TDO2: variants seen among roughly 807,000 people sequenced by gnomAD.
TDO2 encodes tryptophan 2,3-dioxygenase.
Under a neutral mutation model 61.2 loss-of-function variants are expected in TDO2, and 63 were observed. That is an observed-to-expected ratio of 1.03 (90% confidence interval 0.84 to 1.27). The LOEUF (loss-of-function observed/expected upper bound fraction) is 1.27, where lower values mean the gene tolerates loss of function less well. TDO2 is among the 50% of genes most tolerant of loss of function. The pLI, the probability that TDO2 is intolerant of heterozygous loss-of-function variation, is 0.00. For synonymous variants in TDO2, 183 were observed against 164.0 expected (o/e 1.12, Z -0.89); for missense variants, 494 against 469.5 (o/e 1.05, Z -0.48).
Position 155,919,869 on chromosome 4 carries a change from A to C in TDO2, c.1100A>C (p.Asn367Thr). ...TACAAGGTATTTGTAGATTTATTTA[A>C]TCTTTCAACATACCTGATTCCCCGA... ...DRYKVFVDLF[N>T]LSTYLIPRHW... The change falls in exon 12 of 12, where the codon AAT becomes ACT. Residue 367 changes from asparagine (N) to threonine (T), a missense_variant. Asn to Thr is a moderately conservative substitution (Grantham distance 65, BLOSUM62 0). Transcript: ENST00000536354. The C allele has an allele frequency of 2.5e-6, 4 of 1,613,574 alleles. No homozygotes were observed. Among genetic ancestry groups the C allele is most frequent in the Non-Finnish European group, 3.4e-6 (4 of 1,179,722 alleles).
At chr4:155,916,268 C>T (rs1044620321) in intron 9 of TDO2, among the ~76,000 whole-genome samples, 14 of 144,138 alleles carry the variant, frequency 9.7e-5, no homozygotes, top group African/African-American at 3.3e-4. Context: ...CCCGGGTTCA[C>T]GCCACTCTCC....
chr4:155,915,411 C>A (rs1742913345), intron 8 of TDO2, among the ~76,000 whole-genome samples: 1 of 152,102 alleles, frequency 6.6e-6, no homozygotes, highest in African/African-American at 2.4e-5. Flanking sequence ...TTAGAGCACA[C>A]ATGTATGATT....
In TDO2 at chr4:155,910,201, A is replaced by G; in HGVS notation, c.608A>G (p.Glu203Gly). ...LKSEQEKTLL[E>G]LVEAWLERTP... ...TCTGAGCAGGAAAAGACACTTCTGGAATTAGTGGAGGTATGGATTCATACA... is the reference window on the plus strand; with the variant it reads ...TCTGAGCAGGAAAAGACACTTCTGGGATTAGTGGAGGTATGGATTCATACA... The change falls in exon 6 of 12, where the codon GAA becomes GGA. Residue 203 changes from glutamate to glycine, a missense_variant. Physicochemically the swap from Glu to Gly is moderately conservative, Grantham distance 98 (BLOSUM62 -2). Transcript: ENST00000536354. The G allele has an allele frequency of 6.3e-7, 1 of 1,576,024 alleles. No individual in the cohort carries two copies. The highest frequency in any genetic ancestry group is 1.2e-5 in the South Asian group (1 of 85,266).
At chr4:155,909,743 A>G (rs1279027725) in intron 5 of TDO2, among the ~76,000 whole-genome samples, 1 of 151,740 alleles carries the variant, frequency 6.6e-6, no homozygotes. Context: ...TCTGCTCTTG[A>G]TATCCAAGAG....
chr4:155,916,377 C>A (rs1742937023), intron 9 of TDO2, among the ~76,000 whole-genome samples: 1 of 111,974 alleles, frequency 8.9e-6, no homozygotes, highest in Non-Finnish European at 1.9e-5. Flanking sequence ...ACCGTGTTAG[C>A]CAGGATGGTC....
intron 3 of TDO2, chr4:155,906,242 A>G (rs1742716688): frequency 6.6e-6 from 1 of 152,186 alleles, no homozygotes; most frequent in Non-Finnish European, 1.5e-5. Context: ...CACATAATAA[A>G]CATGCAACAA....
At chr4:155,904,942 T>A in intron 2 of TDO2, 125 bp from the exon 3 acceptor site, 1 of 611,060 alleles carries the variant, frequency 1.6e-6, no homozygotes, top group Non-Finnish European at 2.8e-6. Context: ...TAAAAGAAAC[T>A]AGATTGGTTT....
chr4:155,917,161 A>G (rs1239612758), intron 9 of TDO2, among the ~76,000 whole-genome samples: 1 of 152,190 alleles, frequency 6.6e-6, no homozygotes, highest in East Asian at 1.9e-4. Context: ...TGATTACTTC[A>G]TGTATATTAC....
At chr4:155,907,353 T>C (rs1398221195) in intron 3 of TDO2, 2 of 174,068 alleles carry the variant, frequency 1.1e-5, no homozygotes, top group Non-Finnish European at 2.4e-5. Context: ...TTTCTCAGTG[T>C]GTAGATGAAG....
chr4:155,919,745 A>G (rs1743009457), intron 11 of TDO2, 92 bp from the exon 12 acceptor site: 1 of 1,112,776 alleles, frequency 9.0e-7, no homozygotes, highest in South Asian at 1.7e-5. Context: ...AATACTAACT[A>G]TGGAAAATAT....
Position 155,920,337 on chromosome 4 carries a change from T to C in TDO2, c.*347T>C, listed in dbSNP as rs1419116285. 1 of 218,044 alleles carries C rather than the reference T, an allele frequency of 4.6e-6. No individual in the cohort carries two copies. Among genetic ancestry groups the C allele is most frequent in the Non-Finnish European group, 9.0e-6 (1 of 111,186 alleles). The allele number at this position is 218,044 out of a possible 1,614,324, so 13.5% of individuals were successfully genotyped here. ...ATTTCAAATATTTTATGCAGTACAT[T>C]ATATTATTCTGTACAAAGGCTTTCA... is the stretch of plus-strand genomic sequence containing the variant. On this transcript the variant is annotated 3_prime_UTR_variant, in exon 12 of 12. Transcript: ENST00000536354.
At position 155,903,722 on chromosome 4, in the gene TDO2, T is replaced by G. The variant is rs2110859550; in HGVS notation, c.-37T>G. On this transcript the variant is annotated 5_prime_UTR_variant, in exon 1 of 12. Transcript: ENST00000536354. ...GGTCAATGATAGCATCTGCCTAGAG[T>G]CAAACCTCCGTGCTTCTCAGACAGT... 2 of 1,613,924 alleles carry G rather than the reference T, an allele frequency of 1.2e-6. No homozygotes were observed. Among genetic ancestry groups the G allele is most frequent in the Non-Finnish European group, 1.7e-6 (2 of 1,179,908 alleles).
In TDO2 at chr4:155,910,230, T is replaced by G. The variant is rs758641246; in HGVS notation, c.618+19T>G. 26 of 1,533,720 alleles carry G rather than the reference T, an allele frequency of 1.7e-5. No individual in the cohort carries two copies. The highest frequency in any genetic ancestry group is 2.2e-5 in the Non-Finnish European group (25 of 1,150,452). On this transcript the variant is annotated intron_variant, in intron 6 of 11. Coordinates refer to ENST00000536354, the MANE Select transcript of TDO2 (RefSeq NM_005651.4). The stretch of plus-strand genomic sequence containing the variant: ...AGTGGAGGTATGGATTCATACAATT[T>G]ATAAAGTTTAACTCAATACATCTTC...
In TDO2 at chr4:155,920,336, T is replaced by G. The variant is rs985826863; in HGVS notation, c.*346T>G. 8.4e-6 allele frequency: 2 copies of G among 238,582 alleles called. No individual in the cohort carries two copies. Among genetic ancestry groups the G allele is most frequent in the African/African-American group, 4.7e-5 (2 of 42,898 alleles). The allele number at this position is 238,582 out of a possible 1,614,324, so 14.8% of individuals were successfully genotyped here. On this transcript the variant is annotated 3_prime_UTR_variant, in exon 12 of 12. Coordinates refer to ENST00000536354, the MANE Select transcript of TDO2 (RefSeq NM_005651.4). ...TATTTCAAATATTTTATGCAGTACATTATATTATTCTGTACAAAGGCTTTC... is the reference window on the plus strand; with the variant it reads ...TATTTCAAATATTTTATGCAGTACAGTATATTATTCTGTACAAAGGCTTTC...
chr4:155,910,172 T>C lies in TDO2; in HGVS notation c.579T>C (p.Leu193=), dbSNP rs565780468. Residue 193 remains leucine, a synonymous_variant, in exon 6 of 12, where the codon CTT becomes CTC. Transcript: ENST00000536354. ...AAGGAGAAGAAAATGAACTGCTACT[T>C]AAATCTGAGCAGGAAAAGACACTTC... is the stretch of plus-strand genomic sequence containing the variant. ...NFKGEENELL[L]KSEQEKTLLE... The C allele has an allele frequency of 7.5e-6, 12 of 1,590,552 alleles. No homozygotes were observed. The African/African-American group carries it at 1.4e-4, about 18-fold the overall frequency.
Position 155,910,486 on chromosome 4 carries a change from T to C in TDO2, c.618+275T>C, listed in dbSNP as rs189885567. Reference sequence around the variant, plus strand: ...CATCTCAATAAAACAATTCCTTAAATATCCCTTCTAAGTAACACTTAATTA... The same window carrying C: ...CATCTCAATAAAACAATTCCTTAAACATCCCTTCTAAGTAACACTTAATTA... On this transcript the variant is annotated intron_variant, in intron 6 of 11. Transcript: ENST00000536354. Among the ~76,000 whole-genome samples the C allele has an allele frequency of 3.2e-3, 493 of 152,292 alleles. 2 individuals are homozygous for C. The highest frequency in any genetic ancestry group is 5.3e-3 in the Non-Finnish European group (357 of 67,996).
At position 155,907,643 on chromosome 4, in the gene TDO2, T is replaced by C. The variant is rs1225389412; in HGVS notation, c.233-79T>C. The stretch of plus-strand genomic sequence containing the variant: ...TAACATTTTAATTTCTCTTTCAACA[T>C]GTTAAACATATCTTTCATATAATAA... On this transcript the variant is annotated intron_variant, in intron 3 of 11. Coordinates refer to ENST00000536354, the MANE Select transcript of TDO2 (RefSeq NM_005651.4). The C allele has an allele frequency of 1.3e-5, 11 of 874,698 alleles. No individual in the cohort carries two copies. In the East Asian group the frequency reaches 2.5e-4, roughly 20 times the overall value. The allele number at this position is 874,698 out of a possible 1,614,324, so 54.2% of individuals were successfully genotyped here.
Position 155,904,097 on chromosome 4 carries a change from G to A in TDO2, c.115G>A (p.Gly39Ser). ...TGGTGTGAATAGAGCCAGCAAAGGAGGTCTTATCTATGGGAACTACCTGCA... is the reference window on the plus strand; with the variant it reads ...TGGTGTGAATAGAGCCAGCAAAGGAAGTCTTATCTATGGGAACTACCTGCA... ...QTGVNRASKG[G>S]LIYGNYLHLE... Residue 39 changes from glycine (G) to serine (S), a missense_variant, in exon 2 of 12, where the codon GGT (glycine) becomes AGT (serine). Gly to Ser is a moderately conservative substitution (Grantham distance 56, BLOSUM62 0). Coordinates refer to ENST00000536354, the MANE Select transcript of TDO2 (RefSeq NM_005651.4). 12 of 1,613,974 alleles carry A rather than the reference G, an allele frequency of 7.4e-6. No homozygotes were observed. Among genetic ancestry groups the A allele is most frequent in the East Asian group, 2.2e-5 (1 of 44,870 alleles).
chr4:155,919,757 T>C (rs969443684), intron 11 of TDO2, 80 bp from the exon 12 acceptor site: 18 of 1,253,424 alleles, frequency 1.4e-5, no homozygotes, highest in Admixed American at 2.7e-5. Flanking sequence ...GGAAAATATC[T>C]GAGAAATAAA....
Sources: gnomAD v4.1 joint callset for allele counts (sites outside exome capture counted in the v4.1 genomes callset) on GRCh38, gnomAD v4.1.1 for gene constraint, MANE v1.5 for transcripts, NCBI Gene and HGNC (gene_info 2026-07-23, HGNC 2026-07-21) for gene names.